The following MRTFA variants were observed in gnomAD, a reference collection of about 807,000 sequenced individuals.
The protein encoded by MRTFA is myocardin-related transcription factor A.
In MRTFA, 20 loss-of-function variants were observed where a neutral mutation model predicts 83.5. The ratio of observed to expected loss-of-function variants is 0.24; its 90% CI spans 0.17 to 0.35. The LOEUF (loss-of-function observed/expected upper bound fraction) is 0.35, where lower values mean the gene tolerates loss of function less well. Ranked by LOEUF, MRTFA falls within the 10% of genes least tolerant of loss-of-function variation. MRTFA has a pLI of 1.00. For missense variants in MRTFA, 1,200 were observed against 1,224.7 expected (o/e 0.98, Z 0.30); for synonymous variants, 659 against 541.2 (o/e 1.22, Z -3.02).
At chr22:40,594,809 T>G (rs2056167763) in intron 1 of MRTFA, 74 bp from the exon 2 acceptor site, 1 of 151,290 alleles carries the variant, frequency 6.6e-6, no homozygotes, top group Admixed American at 6.6e-5. Context: ...GCGTTTGGTT[T>G]CAAAGGTAAG....
chr22:40,572,052 G>A (rs1372754816), intron 2 of MRTFA, among the ~76,000 whole-genome samples: 3 of 151,432 alleles, frequency 2.0e-5, no homozygotes, highest in African/African-American at 7.3e-5. Flanking sequence ...CACCCAGTAG[G>A]ATTGGTAAAA....
At position 40,451,758 on chromosome 22, in the gene MRTFA, T is replaced by A. The variant is rs182137026; in HGVS notation, c.307+11463A>T. Among the ~76,000 whole-genome samples, 522 of 152,258 alleles carry A rather than the reference T, an allele frequency of 3.4e-3. 2 individuals are homozygous for A. The highest frequency in any genetic ancestry group is 5.8e-3 in the Non-Finnish European group (395 of 68,008). ...TAGGCCAGGCATGTTTATATCTAGC[T>A]TTCATACCACAGCCCAGTCTAAGAC... On this transcript the variant is annotated intron_variant, in intron 4 of 14. Transcript: ENST00000355630.
chr22:40,478,031 A>G (rs564670934), intron 3 of MRTFA, among the ~76,000 whole-genome samples: 8 of 152,280 alleles, frequency 5.3e-5, no homozygotes, highest in African/African-American at 1.7e-4. Context: ...TGAAATTCTA[A>G]GCTATCAATA....
At chr22:40,461,533 C>G (rs1028504273) in intron 4 of MRTFA, among the ~76,000 whole-genome samples, 1 of 151,152 alleles carries the variant, frequency 6.6e-6, no homozygotes, top group Non-Finnish European at 1.5e-5. Context: ...GGCTGTAATC[C>G]CAGCACTTTG....
intron 2 of MRTFA, among the ~76,000 whole-genome samples, chr22:40,581,259 AT>A (rs1375029423): frequency 6.6e-6 from 1 of 152,026 alleles, no homozygotes; most frequent in African/African-American, 2.4e-5. Flanking sequence ...TAGCTTCCAA[AT>A]TTTTTCCTAT....
At chr22:40,429,581 C>A in intron 7 of MRTFA, 25 bp downstream of exon 7, 1 of 1,614,096 alleles carries the variant, frequency 6.2e-7, no homozygotes, top group Non-Finnish European at 8.5e-7. Context: ...CTGCCTCTCA[C>A]ACAGGGTGGC....
intron 4 of MRTFA, among the ~76,000 whole-genome samples, chr22:40,462,885 T>A (rs1036590495): frequency 1.3e-5 from 2 of 152,172 alleles, no homozygotes; most frequent in African/African-American, 4.8e-5. Flanking sequence ...TACACCAGGC[T>A]CAAGATCTGC....
rs73422615 is a variant in MRTFA at position 40,463,302 on chromosome 22, G to C, written c.242-16C>G. 1 of 1,611,676 alleles carries C rather than the reference G, an allele frequency of 6.2e-7. No homozygotes were observed. The highest frequency in any genetic ancestry group is 8.5e-7 in the Non-Finnish European group (1 of 1,178,060). On this transcript the variant is annotated splice_polypyrimidine_tract_variant and intron_variant, in intron 3 of 14. Coordinates refer to ENST00000355630, the MANE Select transcript of MRTFA (RefSeq NM_020831.6). ...AACTGTAGCACTGCAGGGCAGCAGA[G>C]AGAGAGGAGAGATGAGGGGTCAGTT... is the stretch of plus-strand genomic sequence containing the variant.
chr22:40,558,513 G>A (rs556874563), intron 2 of MRTFA, among the ~76,000 whole-genome samples: 2 of 151,876 alleles, frequency 1.3e-5, no homozygotes, highest in South Asian at 4.2e-4. Flanking sequence ...CTGGAATTCA[G>A]AGATTTAGCA....
chr22:40,509,320 G>A (rs561486437), intron 3 of MRTFA, among the ~76,000 whole-genome samples: 67 of 152,288 alleles, frequency 4.4e-4, no homozygotes, highest in African/African-American at 1.4e-3. Flanking sequence ...CAAATATCTT[G>A]TTTGTGTCAA....
intron 1 of MRTFA, among the ~76,000 whole-genome samples, chr22:40,617,194 GA>G (rs2056461386): frequency 8.6e-6 from 1 of 116,310 alleles, no homozygotes; most frequent in African/African-American, 3.3e-5. Flanking sequence ...AGGAGGGAGG[GA>G]GGGAGGGAGG....
At chr22:40,445,160 C>T (rs2053352253) in intron 4 of MRTFA, among the ~76,000 whole-genome samples, 1 of 151,998 alleles carries the variant, frequency 6.6e-6, no homozygotes, top group African/African-American at 2.4e-5. Context: ...AACTCCCTTC[C>T]CTCCCTCAAT....
chr22:40,560,849 C>T lies in MRTFA; in HGVS notation c.-21-8482G>A, dbSNP rs2055603575. 1.3e-5 allele frequency among the ~76,000 whole-genome samples: 2 copies of T among 152,254 alleles called. 1 individual carries two copies. Among genetic ancestry groups the T allele is most frequent in the South Asian group, 4.1e-4 (2 of 4,826 alleles). On this transcript the variant is annotated intron_variant, in intron 2 of 14. Coordinates refer to ENST00000355630, the MANE Select transcript of MRTFA (RefSeq NM_020831.6). The stretch of plus-strand genomic sequence containing the variant: ...CATGCCTTCTGCCTGTACAGAACAA[C>T]ATACGTACCTAGAAACAACAGCATG...
chr22:40,499,188 T>A (rs1302005748), intron 3 of MRTFA, among the ~76,000 whole-genome samples: 1 of 152,220 alleles, frequency 6.6e-6, no homozygotes, highest in East Asian at 1.9e-4. Context: ...GGAACTTACA[T>A]TCCTTTAGGA....
At chr22:40,445,453 C>T (rs1162050436) in intron 4 of MRTFA, among the ~76,000 whole-genome samples, 2 of 152,156 alleles carry the variant, frequency 1.3e-5, no homozygotes, top group African/African-American at 4.8e-5. Context: ...AACCTACAGT[C>T]CATATCTGAA....
intron 1 of MRTFA, among the ~76,000 whole-genome samples, chr22:40,635,864 G>A (rs1346321580): frequency 6.6e-6 from 1 of 152,146 alleles, no homozygotes; most frequent in African/African-American, 2.4e-5. Flanking sequence ...TTTGGGAGTC[G>A]ACTCAAAAGG....
At chr22:40,523,660 T>C (rs995516664) in intron 3 of MRTFA, 2 of 152,184 alleles carry the variant, frequency 1.3e-5, no homozygotes, top group East Asian at 1.9e-4. Flanking sequence ...TTAAAACAGA[T>C]TGTGATTCCG....
At chr22:40,624,303 G>A (rs113406129) in intron 1 of MRTFA, among the ~76,000 whole-genome samples, 45 of 150,992 alleles carry the variant, frequency 3.0e-4, no homozygotes, top group African/African-American at 9.3e-4. Flanking sequence ...GGGCACGCCT[G>A]TAATCCCGGC....
chr22:40,533,794 C>G, intron 3 of MRTFA: 1 of 417,210 alleles, frequency 2.4e-6, no homozygotes. Context: ...ACCAATTTAT[C>G]CACCCTTCAG....
Sources: gnomAD v4.1 joint callset for allele counts (sites outside exome capture counted in the v4.1 genomes callset) on GRCh38, gnomAD v4.1.1 for gene constraint, MANE v1.5 for transcripts, NCBI Gene and HGNC (gene_info 2026-07-23, HGNC 2026-07-21) for gene names.